Variants in ABCA12 observed in about 807,000 individuals in gnomAD.
ABCA12 encodes glucosylceramide transporter ABCA12.
ABCA12 carries 156 observed loss-of-function variants against 293.5 expected under a neutral mutation model. The ratio of observed to expected loss-of-function variants is 0.53; its 90% CI spans 0.47 to 0.61. ABCA12 has a LOEUF of 0.61. Ranked by LOEUF, ABCA12 falls within the 20% of genes least tolerant of loss-of-function variation. ABCA12 has a pLI of 0.00. For missense variants in ABCA12, 2,797 were observed against 3,090.2 expected, an observed-to-expected ratio of 0.91 and a Z score of 2.25; for synonymous variants, 1,063 against 1,108.0, an observed-to-expected ratio of 0.96 and a Z score of 0.81.
chr2:215,045,937 C>G lies in ABCA12; in HGVS notation c.772G>C (p.Glu258Gln). Residue 258 changes from glutamate to glutamine, a missense_variant, in exon 7 of 53, where the codon GAG becomes CAG. Physicochemically the swap from Glu to Gln is conservative, Grantham distance 29. Coordinates refer to ENST00000272895, the MANE Select transcript of ABCA12 (RefSeq NM_173076.3). ...RMLSFFSQVQ[E>Q]QKAVWQLLSS... is the part of the protein sequence containing the mutation. The stretch of plus-strand genomic sequence containing the variant: ...AGAAGCTGCCACACAGCTTTCTGCT[C>G]TTGCACTTGTGAGAAGAAAGACAGC... 1 of 1,613,680 alleles carries G rather than the reference C, an allele frequency of 6.2e-7. No homozygotes were observed. The highest frequency in any genetic ancestry group is 8.5e-7 in the Non-Finnish European group (1 of 1,179,786).
In ABCA12 at chr2:214,982,176, A is replaced by T; in HGVS notation, c.4579+11T>A. On this transcript the variant is annotated intron_variant, in intron 30 of 52. Coordinates refer to ENST00000272895, the MANE Select transcript of ABCA12 (RefSeq NM_173076.3). ...CTGTTGGGTGGAGAAGTTCTGAGAA[A>T]CTACTCATACCAGTTTTGTTCTTGG... 1 of 1,613,562 alleles carries T rather than the reference A, an allele frequency of 6.2e-7. No homozygotes were observed. Among genetic ancestry groups the T allele is most frequent in the Non-Finnish European group, 8.5e-7 (1 of 1,179,734 alleles).
chr2:215,090,005 A>C (rs1272368452), intron 2 of ABCA12, among the ~76,000 whole-genome samples: 1 of 152,176 alleles, frequency 6.6e-6, no homozygotes, highest in Non-Finnish European at 1.5e-5. Context: ...GAAGAACCAC[A>C]AAAGAAGTGA....
chr2:215,138,177 A>T lies in ABCA12; in HGVS notation c.32T>A (p.Leu11Gln). Residue 11 changes from leucine (L) to glutamine (Q), a missense_variant, in exon 1 of 53, where the codon CTG becomes CAG. Coordinates refer to ENST00000272895, the MANE Select transcript of ABCA12 (RefSeq NM_173076.3). The stretch of plus-strand genomic sequence containing the variant: ...TACACCTAGCCAATTTTTCCAGACC[A>T]GGATCTGAAGCTGATGAAACAGGGA... MASLFHQLQI[L>Q]VWKNWLGVKR... 6.2e-7 allele frequency: 1 copy of T among 1,614,078 alleles called. No individual in the cohort carries two copies. Among genetic ancestry groups the T allele is most frequent in the South Asian group, 1.1e-5 (1 of 91,074 alleles).
chr2:215,131,675 A>G (rs1703058047), intron 1 of ABCA12, among the ~76,000 whole-genome samples: 1 of 138,864 alleles, frequency 7.2e-6, no homozygotes, highest in African/African-American at 2.7e-5. Context: ...CAAAGGATCA[A>G]CTTTTCATTC....
At chr2:214,969,625 GA>G (rs1479113531) in intron 37 of ABCA12, among the ~76,000 whole-genome samples, 4 of 152,092 alleles carry the variant, frequency 2.6e-5, no homozygotes, top group Admixed American at 1.3e-4. Context: ...CTTCTGGAAG[GA>G]TATACACCAA....
chr2:215,015,858 T>C (rs147958222), intron 14 of ABCA12, among the ~76,000 whole-genome samples, 195 bp from the exon 15 acceptor site: 36 of 152,284 alleles, frequency 2.4e-4, no homozygotes, highest in African/African-American at 8.7e-4. Flanking sequence ...AGAAATAAGA[T>C]GGGAGGCCGG....
chr2:215,020,292 G>GCACACACATACA (rs1700600014), intron 11 of ABCA12, among the ~76,000 whole-genome samples: 1 of 148,700 alleles, frequency 6.7e-6, no homozygotes, highest in African/African-American at 2.5e-5. Flanking sequence ...GGGAATGTAT[G>GCACACACATACA]CACACACACA....
intron 1 of ABCA12, among the ~76,000 whole-genome samples, chr2:215,128,576 T>C (rs947372897): frequency 2.6e-5 from 4 of 152,232 alleles, no homozygotes; most frequent in Non-Finnish European, 5.9e-5. Flanking sequence ...TTTCTTCTTG[T>C]TCAATTCCAT....
intron 44 of ABCA12, among the ~76,000 whole-genome samples, chr2:214,953,303 G>A (rs1178861932): frequency 6.6e-6 from 1 of 152,100 alleles, no homozygotes; most frequent in East Asian, 1.9e-4. Flanking sequence ...ATTAGAAATG[G>A]TTACCATGAT....
At chr2:215,028,165 G>A (rs1031792949) in intron 9 of ABCA12, among the ~76,000 whole-genome samples, 1 of 152,178 alleles carries the variant, frequency 6.6e-6, no homozygotes, top group African/African-American at 2.4e-5. Context: ...CCTACTGGAT[G>A]TTTAACTTAG....
intron 52 of ABCA12, among the ~76,000 whole-genome samples, chr2:214,933,712 C>T (rs1459387579): frequency 6.6e-6 from 1 of 152,104 alleles, no homozygotes; most frequent in Non-Finnish European, 1.5e-5. Flanking sequence ...CCTGTCCAAC[C>T]CTAATCCAGG....
chr2:215,102,045 G>GTA (rs988512869), intron 2 of ABCA12, among the ~76,000 whole-genome samples: 1 of 152,098 alleles, frequency 6.6e-6, no homozygotes, highest in African/African-American at 2.4e-5. Context: ...GTGTGTGTGT[G>GTA]TGCCTATGTA....
In ABCA12 at chr2:214,986,697, C is replaced by T; in HGVS notation, c.4008G>A (p.Glu1336=). The change falls in exon 28 of 53, where the codon GAG becomes GAA. Residue 1336 remains glutamate, a synonymous_variant. Coordinates refer to ENST00000272895, the MANE Select transcript of ABCA12 (RefSeq NM_173076.3). ...CGACTGTGAGATCTTTAGGTTCAGGCTCGATGTTAGAGGAAAACATGTATT... is the reference window on the plus strand; with the variant it reads ...CGACTGTGAGATCTTTAGGTTCAGGTTCGATGTTAGAGGAAAACATGTATT... The part of the protein sequence containing the change: ...SPEYMFSSNI[E]PEPKDLTVGV... The T allele has an allele frequency of 6.2e-7, 1 of 1,614,028 alleles. No homozygotes were observed. The highest frequency in any genetic ancestry group is 8.5e-7 in the Non-Finnish European group (1 of 1,179,968).
chr2:215,091,427 C>T (rs1020655006), intron 2 of ABCA12, among the ~76,000 whole-genome samples: 12 of 152,140 alleles, frequency 7.9e-5, no homozygotes, highest in African/African-American at 2.9e-4. Flanking sequence ...AAGGTTAATG[C>T]TCCTTTTTCT....
rs1334082395 is a variant in ABCA12, at chr2:214,968,738, G to A, written c.5760C>T (p.Ala1920=). ...AATTTACCTTGGCAAGTGTTCTATT[G>A]GCAGGGACTCCTGTTATATCAAAAC... ...DLRFDITGVP[A]NRTLAKVWYD... The change falls in exon 38 of 53, where the codon GCC becomes GCT. Residue 1920 remains alanine, a synonymous_variant. Coordinates refer to ENST00000272895, the MANE Select transcript of ABCA12 (RefSeq NM_173076.3). The A allele has an allele frequency of 6.2e-7, 1 of 1,613,216 alleles. No homozygotes were observed. The highest frequency in any genetic ancestry group is 1.3e-5 in the African/African-American group (1 of 74,976).
intron 9 of ABCA12, among the ~76,000 whole-genome samples, chr2:215,028,567 T>C (rs763666527): frequency 6.6e-6 from 1 of 152,176 alleles, no homozygotes; most frequent in Non-Finnish European, 1.5e-5. Context: ...TCCTTATAGA[T>C]AGTTAATGCC....
Position 214,958,356 on chromosome 2 carries a change from T to C in ABCA12, c.6038A>G (p.Gln2013Arg). The change falls in exon 41 of 53, where the codon CAA becomes CGA. Residue 2013 changes from glutamine (Q) to arginine (R), a missense_variant. By Grantham distance (43) the Gln-to-Arg change is conservative. Transcript: ENST00000272895. ...GTGCTGCAACTGTTTGGCTTTGGTT[T>C]GATGTTCCCTTACAACATAGGTGAC... ...SFVTYVVREH[Q>R]TKAKQLQHIS... is the part of the protein sequence containing the mutation. 1 of 1,614,034 alleles carries C rather than the reference T, an allele frequency of 6.2e-7. No homozygotes were observed. The highest frequency in any genetic ancestry group is 1.1e-5 in the South Asian group (1 of 91,088).
At chr2:215,110,205 A>G (rs1208753896) in intron 2 of ABCA12, among the ~76,000 whole-genome samples, 3 of 152,310 alleles carry the variant, frequency 2.0e-5, no homozygotes, top group Non-Finnish European at 4.4e-5. Flanking sequence ...TTGAGAAAAC[A>G]TCCTTTAGAA....
At chr2:215,126,162 AT>A (rs1702917065) in intron 1 of ABCA12, among the ~76,000 whole-genome samples, 1 of 152,134 alleles carries the variant, frequency 6.6e-6, no homozygotes. Flanking sequence ...ATCATGGTGA[AT>A]TATCTTTCTG....
Sources: gnomAD v4.1 joint callset for allele counts (sites outside exome capture counted in the v4.1 genomes callset) on GRCh38, gnomAD v4.1.1 for gene constraint, MANE v1.5 for transcripts, NCBI Gene and HGNC (gene_info 2026-07-23, HGNC 2026-07-21) for gene names.